The following ERO1B variants were observed in gnomAD, a reference collection of about 807,000 sequenced individuals.
ERO1B encodes endoplasmic reticulum oxidoreductase 1 beta.
A neutral mutation model predicts 75.3 loss-of-function variants in ERO1B; 49 were observed. The observed-to-expected ratio is 0.65, with a 90% CI of 0.52 to 0.83. ERO1B has a LOEUF of 0.83. Among genes scored for constraint, ERO1B ranks in the 40% least tolerant of loss-of-function variants. ERO1B has a pLI of 0.00. For synonymous variants in ERO1B, 191 were observed against 192.9 expected, an observed-to-expected ratio of 0.99 and a Z score of 0.08; for missense variants, 512 against 560.1, an observed-to-expected ratio of 0.91 and a Z score of 0.87.
chr1:236,244,807 T>G (rs972438653), intron 5 of ERO1B, among the ~76,000 whole-genome samples: 1 of 152,004 alleles, frequency 6.6e-6, no homozygotes, highest in Non-Finnish European at 1.5e-5. Context: ...TTAGAGGTTA[T>G]CTACTTCAGC....
intron 10 of ERO1B, among the ~76,000 whole-genome samples, 174 bp from the exon 11 acceptor site, chr1:236,226,913 T>C (rs1664293450): frequency 6.6e-6 from 1 of 152,194 alleles, no homozygotes; most frequent in African/African-American, 2.4e-5. Flanking sequence ...AGTAAGATTT[T>C]GGCTTCAGAA....
At chr1:236,240,903 C>T (rs1288018533) in intron 6 of ERO1B, among the ~76,000 whole-genome samples, 2 of 152,072 alleles carry the variant, frequency 1.3e-5, no homozygotes, top group African/African-American at 4.8e-5. Flanking sequence ...CTATCTTACA[C>T]AGCGAGATGA....
intron 1 of ERO1B, 31 bp downstream of exon 1, chr1:236,281,651 G>T: frequency 1.5e-6 from 2 of 1,371,192 alleles, no homozygotes; most frequent in Non-Finnish European, 1.9e-6. Context: ...GTTCGGCCGG[G>T]GGTTCCCGGC....
At position 236,217,083 on chromosome 1, in the gene ERO1B, C is replaced by A. The variant is rs1226762867; in HGVS notation, c.*1433G>T. ...CTAAGTATTTTTAAGAGGGGTGAGCCAAGCCAACTAAATACAATTTTTTAG... is the reference window on the plus strand; with the variant it reads ...CTAAGTATTTTTAAGAGGGGTGAGCAAAGCCAACTAAATACAATTTTTTAG... On this transcript the variant is annotated 3_prime_UTR_variant, in exon 16 of 16. Transcript: ENST00000354619. The A allele has an allele frequency of 1.3e-5, 2 of 151,732 alleles. No individual in the cohort carries two copies. The highest frequency in any genetic ancestry group is 2.9e-5 in the Non-Finnish European group (2 of 67,874). The allele number at this position is 151,732 out of a possible 1,614,324, so 9.4% of individuals were successfully genotyped here.
At chr1:236,228,709 C>G (rs557921877) in intron 10 of ERO1B, among the ~76,000 whole-genome samples, 6 of 152,110 alleles carry the variant, frequency 3.9e-5, no homozygotes, top group African/African-American at 7.2e-5. Context: ...TCCAAAGGAA[C>G]CTTTACAGGA....
chr1:236,245,172 T>A (rs1339535882), intron 5 of ERO1B, among the ~76,000 whole-genome samples: 2 of 149,534 alleles, frequency 1.3e-5, no homozygotes, highest in Non-Finnish European at 3.0e-5. Context: ...TTATTTATTT[T>A]TTTGTACAGA....
chr1:236,250,004 C>T, intron 4 of ERO1B, 37 bp from the exon 5 acceptor site: 1 of 1,391,088 alleles, frequency 7.2e-7, no homozygotes, highest in South Asian at 1.3e-5. Flanking sequence ...AAAATTATTA[C>T]CTTATTCTTT....
At chr1:236,266,448 A>G (rs1055743952) in intron 2 of ERO1B, among the ~76,000 whole-genome samples, 1 of 152,130 alleles carries the variant, frequency 6.6e-6, no homozygotes, top group African/African-American at 2.4e-5. Context: ...TACTAAAAAT[A>G]TAAAAATTAG....
chr1:236,230,778 A>T (rs1664388679), intron 9 of ERO1B, among the ~76,000 whole-genome samples: 2 of 152,112 alleles, frequency 1.3e-5, no homozygotes, highest in Admixed American at 1.3e-4. Flanking sequence ...TTTGACTATT[A>T]AATTTTTTAA....
Position 236,221,915 on chromosome 1 carries a change from C to T in ERO1B, c.1209+9G>A, listed in dbSNP as rs1375965937. Reference sequence around the variant, plus strand: ...GTAATGGCTTCAAAAGAGAAGACAACACATATACCTGTAATTTTCCCCATA... The same window carrying T: ...GTAATGGCTTCAAAAGAGAAGACAATACATATACCTGTAATTTTCCCCATA... On this transcript the variant is annotated intron_variant, in intron 14 of 15. Transcript: ENST00000354619. 6.2e-7 allele frequency: 1 copy of T among 1,604,574 alleles called. No homozygotes were observed.
intron 1 of ERO1B, among the ~76,000 whole-genome samples, chr1:236,280,472 T>C (rs1271908444): frequency 3.3e-5 from 5 of 152,250 alleles, no homozygotes; most frequent in South Asian, 4.1e-4. Context: ...TTGCAATGTT[T>C]GTTTAAAATG....
intron 13 of ERO1B, among the ~76,000 whole-genome samples, chr1:236,224,566 C>T (rs1664232373): frequency 1.3e-5 from 2 of 151,998 alleles, no homozygotes; most frequent in Non-Finnish European, 2.9e-5. Flanking sequence ...ATAAAGAACA[C>T]CTAACATGAA....
chr1:236,280,759 C>T (rs1371031247), intron 1 of ERO1B, among the ~76,000 whole-genome samples: 2 of 152,178 alleles, frequency 1.3e-5, no homozygotes, highest in African/African-American at 4.8e-5. Context: ...CTTCAAATGA[C>T]ATCTCCCCTC....
At chr1:236,278,253 T>C (rs1355376001) in intron 1 of ERO1B, among the ~76,000 whole-genome samples, 2 of 152,136 alleles carry the variant, frequency 1.3e-5, no homozygotes, top group East Asian at 1.9e-4. Flanking sequence ...GACTGTCTCA[T>C]GGTTACAAAT....
At chr1:236,230,174 ATCAG>A (rs2102942472) in intron 10 of ERO1B, 46 bp downstream of exon 10, 1 of 1,414,526 alleles carries the variant, frequency 7.1e-7, no homozygotes, top group Non-Finnish European at 9.9e-7. Context: ...TGCTAAATAA[ATCAG>A]TATTTTTTAA....
Position 236,215,438 on chromosome 1 carries a change from G to GAAACAACCTCAGACTAC in ERO1B, c.*3061_*3077dup, listed in dbSNP as rs1218899382. 2 of 152,126 alleles carry GAAACAACCTCAGACTAC rather than the reference G, an allele frequency of 1.3e-5. No individual in the cohort carries two copies. The highest frequency in any genetic ancestry group is 2.9e-5 in the Non-Finnish European group (2 of 68,024). The allele number at this position is 152,126 out of a possible 1,614,324, so 9.4% of individuals were successfully genotyped here. A position where few individuals can be genotyped will look rare whatever the true frequency, so the allele number is the denominator to read the frequency against. On this transcript the variant is annotated 3_prime_UTR_variant, in exon 16 of 16. Transcript: ENST00000354619. ...CAGCCAATGCTTGCCATTATGATAA[G>GAAACAACCTCAGACTAC]AAACAACCTCAGACTACTTATAAAT...
At chr1:236,223,337 C>T (rs1664203022) in intron 13 of ERO1B, among the ~76,000 whole-genome samples, 1 of 152,022 alleles carries the variant, frequency 6.6e-6, no homozygotes, top group Non-Finnish European at 1.5e-5. Flanking sequence ...AGAAAATTTC[C>T]TCATTTGTTT....
intron 1 of ERO1B, among the ~76,000 whole-genome samples, chr1:236,278,347 T>C (rs1425022293): frequency 6.6e-6 from 1 of 151,970 alleles, no homozygotes; most frequent in Non-Finnish European, 1.5e-5. Context: ...CGTTTACCCT[T>C]ATACTGAGGA....
At chr1:236,256,973 T>C (rs901645980) in intron 2 of ERO1B, among the ~76,000 whole-genome samples, 57 of 152,224 alleles carry the variant, frequency 3.7e-4, no homozygotes, top group Non-Finnish European at 7.3e-5. Flanking sequence ...AGATGCTCTC[T>C]TTGGTGCAGA....
Sources: allele counts gnomAD v4.1 joint callset (sites outside exome capture counted in the v4.1 genomes callset), GRCh38; gene constraint gnomAD v4.1.1; transcripts MANE v1.5; gene names NCBI Gene and HGNC (gene_info 2026-07-23, HGNC 2026-07-21).